The following IL17RA variants were observed in gnomAD, a reference collection of about 807,000 sequenced individuals.
IL17RA encodes interleukin-17 receptor A.
A neutral mutation model predicts 50.4 loss-of-function variants in IL17RA; 34 were observed. The ratio of observed to expected loss-of-function variants is 0.67; its 90% confidence interval spans 0.51 to 0.90. The LOEUF (loss-of-function observed/expected upper bound fraction) is 0.90. Among genes scored for constraint, IL17RA ranks in the 40% least tolerant of loss-of-function variants. The pLI, the probability that IL17RA is intolerant of heterozygous loss-of-function variation, is 0.00. For missense variants in IL17RA, 1,276 were observed against 1,169.8 expected (o/e 1.09, Z -1.32); for synonymous variants, 585 against 510.4 (o/e 1.15, Z -1.97).
rs1293184930 is a variant in IL17RA at position 17,103,548 on chromosome 22, C to T, written c.817C>T (p.Leu273Phe). 6 of 1,613,506 alleles carry T rather than the reference C, an allele frequency of 3.7e-6. No homozygotes were observed. In the East Asian group the frequency reaches 8.9e-5, roughly 24 times the overall value. Residue 273 changes from leucine (L) to phenylalanine (F), a missense_variant, in exon 8 of 13, where the codon CTT becomes TTT. Coordinates refer to ENST00000319363, the MANE Select transcript of IL17RA (RefSeq NM_014339.7). ...RSNVTLTLRN[L>F]KGCCRHQVQI... ...CAACGTCACACTCACTCTACGCAACCTTAAAGGGTGCTGTCGCCACCAAGT... is the reference window on the plus strand; with the variant it reads ...CAACGTCACACTCACTCTACGCAACTTTAAAGGGTGCTGTCGCCACCAAGT...
At chr22:17,104,380 C>T (rs1444262238) in intron 8 of IL17RA, among the ~76,000 whole-genome samples, 4 of 147,016 alleles carry the variant, frequency 2.7e-5, no homozygotes, top group African/African-American at 7.6e-5. Context: ...GAGTGGGGAG[C>T]GTGCACAGGT....
At chr22:17,092,223 C>A (rs916739567) in intron 1 of IL17RA, among the ~76,000 whole-genome samples, 1 of 152,180 alleles carries the variant, frequency 6.6e-6, no homozygotes, top group Non-Finnish European at 1.5e-5. Flanking sequence ...TGGAGGGTGG[C>A]ACACCTGAGG....
At chr22:17,094,705 A>ATG (rs1394291183) in intron 1 of IL17RA, among the ~76,000 whole-genome samples, 11 of 66,846 alleles carry the variant, frequency 1.6e-4, no homozygotes, top group Non-Finnish European at 2.0e-4. Context: ...ATATATATAT[A>ATG]TATATATATA....
In IL17RA at chr22:17,109,753, TC is replaced by T; in HGVS notation, c.2536del (p.Arg846AlafsTer59). On this transcript the variant is annotated frameshift_variant, in exon 13 of 13. Transcript: ENST00000319363. LOFTEE classifies it low-confidence loss of function (END_TRUNC). ...SLRSLQRQLL[F>X]RQLQKNSGWD... The stretch of plus-strand genomic sequence containing the variant: ...AGGAGCCTCCAGCGGCAGCTGCTTT[TC>T]CGCCAGCTGCAGAAGAACTCGGGCT... 3 of 1,558,246 alleles carry T rather than the reference TC, an allele frequency of 1.9e-6. No individual in the cohort carries two copies. Among genetic ancestry groups the T allele is most frequent in the Non-Finnish European group, 2.6e-6 (3 of 1,151,410 alleles).
intron 4 of IL17RA, 44 bp from the exon 5 acceptor site, chr22:17,100,311 G>GGT (rs2123800719): frequency 6.2e-7 from 1 of 1,613,612 alleles, no homozygotes; most frequent in Non-Finnish European, 8.5e-7. Flanking sequence ...GGGTGACAGA[G>GGT]GTGTGTGTAA....
rs975020993 is a variant in IL17RA at position 17,091,731 on chromosome 22, T to C, written c.139-5331T>C. Among the ~76,000 whole-genome samples, 9 of 152,178 alleles carry C rather than the reference T, an allele frequency of 5.9e-5. No individual in the cohort carries two copies. The South Asian group carries it at 8.3e-4, about 14-fold the overall frequency. ...GTCTTATTGGTTTATATGACACTTA[T>C]TTTTTTCTCTCTGGAAACTTTTAGG... On this transcript the variant is annotated intron_variant, in intron 1 of 12. Transcript: ENST00000319363.
At chr22:17,103,204 G>A (rs1314535520) in intron 7 of IL17RA, among the ~76,000 whole-genome samples, 1 of 152,222 alleles carries the variant, frequency 6.6e-6, no homozygotes, top group Non-Finnish European at 1.5e-5. Flanking sequence ...CGTGTGCTGT[G>A]TGGTTCTGTA....
intron 1 of IL17RA, among the ~76,000 whole-genome samples, chr22:17,094,671 CTCTCTCTCTCTCTCTCTCTCTATA>C (rs2061360561): frequency 4.9e-5 from 2 of 40,762 alleles, no homozygotes; most frequent in Non-Finnish European, 1.0e-4. Context: ...CTCTCTCTCT[CTCTCTCTCTCTCTCTCTCTCTATA>C]TATATATATA....
rs1447485780 is a variant in IL17RA, at chr22:17,097,859, C to T, written c.226C>T (p.Leu76=). The T allele has an allele frequency of 6.2e-6, 10 of 1,614,102 alleles. No individual in the cohort carries two copies. Among genetic ancestry groups the T allele is most frequent in the Non-Finnish European group, 8.5e-6 (10 of 1,180,050 alleles). Residue 76 remains leucine (L), a synonymous_variant, in exon 3 of 13, where the codon CTG becomes TTG. Coordinates refer to ENST00000319363, the MANE Select transcript of IL17RA (RefSeq NM_014339.7). ...CCTGACCCCCTCCTCCCCAAAGGAC[C>T]TGCAGATCCAGCTGCACTTTGCCCA... ...RNLTPSSPKD[L]QIQLHFAHTQ... is the part of the protein sequence containing the mutation.
chr22:17,108,240 G>GC (rs1368706238), intron 12 of IL17RA, 67 bp from the exon 13 acceptor site: 71 of 1,536,816 alleles, frequency 4.6e-5, no homozygotes, highest in Non-Finnish European at 2.7e-6. Context: ...CCCCTCCTGG[G>GC]CTGGCAGGCA....
intron 1 of IL17RA, among the ~76,000 whole-genome samples, chr22:17,094,478 T>C (rs892899649): frequency 2.0e-5 from 3 of 151,486 alleles, no homozygotes; most frequent in Admixed American, 6.6e-5. Flanking sequence ...AATGCGCTAT[T>C]ACCTCTAATA....
At position 17,114,516 on chromosome 22, in the gene IL17RA, T is replaced by C. The variant is rs1261185293; in HGVS notation, c.*4696T>C. On this transcript the variant is annotated 3_prime_UTR_variant, in exon 13 of 13. Transcript: ENST00000319363. The stretch of plus-strand genomic sequence containing the variant: ...ACCCCTTAGGTCATTGACTATAAGA[T>C]GAGTTCGCTCACTGGATCCTTCCTC... 3 of 152,108 alleles carry C rather than the reference T, an allele frequency of 2.0e-5. No individual in the cohort carries two copies. The highest frequency in any genetic ancestry group is 4.4e-5 in the Non-Finnish European group (3 of 68,044). 9.4% of individuals were successfully genotyped at this position (152,108 alleles called of 1,614,324 possible). A position where few individuals can be genotyped will look rare whatever the true frequency, so the allele number is the denominator to read the frequency against.
Position 17,104,808 on chromosome 22 carries a change from C to T in IL17RA, c.929C>T (p.Pro310Leu), listed in dbSNP as rs765097002. ...TCCTGCCCAGAAATGCCAGACACTCCAGGTAGGGGACATGCGGCTGTCCTA... is the reference window on the plus strand; with the variant it reads ...TCCTGCCCAGAAATGCCAGACACTCTAGGTAGGGGACATGCGGCTGTCCTA... ...TVSCPEMPDT[P>L]EPIPDYMPLW... Residue 310 changes from proline (P) to leucine (L), a missense_variant and splice_region_variant, in exon 9 of 13, where the codon CCA (proline) becomes CTA (leucine). Transcript: ENST00000319363. 9 of 1,614,018 alleles carry T rather than the reference C, an allele frequency of 5.6e-6. No homozygotes were observed. In the South Asian group the frequency reaches 9.9e-5, roughly 18 times the overall value.
At chr22:17,094,671 C>CTATATATATATATATATGTT (rs1568917407) in intron 1 of IL17RA, among the ~76,000 whole-genome samples, 2 of 40,766 alleles carry the variant, frequency 4.9e-5, no homozygotes, top group Non-Finnish European at 1.0e-4. Flanking sequence ...CTCTCTCTCT[C>CTATATATATATATATATGTT]TCTCTCTCTC....
chr22:17,103,425 C>T (rs2061398604), intron 7 of IL17RA, 69 bp from the exon 8 acceptor site: 1 of 1,263,732 alleles, frequency 7.9e-7, no homozygotes, highest in Non-Finnish European at 1.1e-6. Context: ...GGCAGTGCCA[C>T]AGCGTGTTCT....
intron 7 of IL17RA, among the ~76,000 whole-genome samples, chr22:17,103,031 A>G (rs2061397387): frequency 6.6e-6 from 1 of 152,170 alleles, no homozygotes; most frequent in South Asian, 2.1e-4. Flanking sequence ...AATCCCAGCA[A>G]TTTGGGAAAC....
chr22:17,108,231 C>G, intron 12 of IL17RA, 76 bp from the exon 13 acceptor site: 1 of 1,469,012 alleles, frequency 6.8e-7, no homozygotes, highest in South Asian at 1.2e-5. Context: ...TGGTCCAGGC[C>G]CCTCCTGGGC....
Position 17,108,564 on chromosome 22 carries a change from C to T in IL17RA, c.1345C>T (p.Arg449Cys), listed in dbSNP as rs771298130. The T allele has an allele frequency of 1.2e-6, 2 of 1,607,010 alleles. No homozygotes were observed. The highest frequency in any genetic ancestry group is 1.7e-5 in the Admixed American group (1 of 60,028). The change falls in exon 13 of 13, where the codon CGC (arginine) becomes TGC (cysteine). Residue 449 changes from arginine to cysteine, a missense_variant. Coordinates refer to ENST00000319363, the MANE Select transcript of IL17RA (RefSeq NM_014339.7). ...CTCTAAGATCATCGTCCTGTGCTCCCGCGGCACGCGCGCCAAGTGGCAGGC... is the reference window on the plus strand; with the variant it reads ...CTCTAAGATCATCGTCCTGTGCTCCTGCGGCACGCGCGCCAAGTGGCAGGC... ...SNSKIIVLCS[R>C]GTRAKWQALL...
intron 1 of IL17RA, among the ~76,000 whole-genome samples, chr22:17,094,671 C>CTATATATATA (rs1568917407): frequency 0.011 from 434 of 40,736 alleles, 49 homozygotes; most frequent in Non-Finnish European, 0.018. Flanking sequence ...CTCTCTCTCT[C>CTATATATATA]TCTCTCTCTC....
Sources: allele counts gnomAD v4.1 joint callset (sites outside exome capture counted in the v4.1 genomes callset), GRCh38; gene constraint gnomAD v4.1.1; transcripts MANE v1.5; gene names NCBI Gene and HGNC (gene_info 2026-07-23, HGNC 2026-07-21).